The following ARHGAP28 variants were observed in gnomAD, a reference collection of about 807,000 sequenced individuals.
ARHGAP28 encodes the protein rho GTPase-activating protein 28.
ARHGAP28 carries 56 observed loss-of-function variants against 90.7 expected under a neutral mutation model. That is an observed-to-expected ratio of 0.62 (90% CI 0.50 to 0.77). The LOEUF is 0.77. Among genes scored for constraint, ARHGAP28 ranks in the 30% least tolerant of loss-of-function variants. The pLI, the probability that ARHGAP28 is intolerant of heterozygous loss-of-function variation, is 0.00. For missense variants in ARHGAP28, 869 were observed against 900.9 expected, an observed-to-expected ratio of 0.96 and a Z score of 0.45; for synonymous variants, 308 against 323.3, an observed-to-expected ratio of 0.95 and a Z score of 0.51.
intron 1 of ARHGAP28, among the ~76,000 whole-genome samples, chr18:6,774,720 G>A (rs557628502): frequency 1.6e-4 from 25 of 152,180 alleles, no homozygotes; most frequent in Non-Finnish European, 3.5e-4. Flanking sequence ...GCACATCTGT[G>A]GGCAGGCTTA....
intron 3 of ARHGAP28, among the ~76,000 whole-genome samples, chr18:6,844,571 T>C (rs561132533): frequency 5.3e-5 from 8 of 152,360 alleles, no homozygotes; most frequent in African/African-American, 1.4e-4. Flanking sequence ...TAACAAGTGA[T>C]TTATTGCACA....
intron 16 of ARHGAP28, among the ~76,000 whole-genome samples, chr18:6,905,118 CA>C (rs2057358401): frequency 1.3e-5 from 2 of 151,562 alleles, no homozygotes; most frequent in African/African-American, 4.8e-5. Flanking sequence ...AAAAAACAAA[CA>C]AAAGCCCTAC....
intron 1 of ARHGAP28, among the ~76,000 whole-genome samples, chr18:6,776,748 A>G (rs1177421814): frequency 6.6e-6 from 1 of 152,148 alleles, no homozygotes; most frequent in Non-Finnish European, 1.5e-5. Flanking sequence ...TACATAGGTT[A>G]TTCTTTCAGT....
intron 1 of ARHGAP28, among the ~76,000 whole-genome samples, chr18:6,809,566 A>C (rs934012704): frequency 6.6e-6 from 1 of 152,162 alleles, no homozygotes; most frequent in Non-Finnish European, 1.5e-5. Context: ...GCAGGCACAT[A>C]TTTACATGGC....
At chr18:6,908,078 G>C (rs962941042) in intron 16 of ARHGAP28, among the ~76,000 whole-genome samples, 13 of 151,960 alleles carry the variant, frequency 8.6e-5, no homozygotes, top group African/African-American at 3.1e-4. Flanking sequence ...TTGAGCGATA[G>C]TTTCCTGTGA....
intron 16 of ARHGAP28, among the ~76,000 whole-genome samples, chr18:6,901,494 CATGTTGATAGT>C (rs1008094452): frequency 9.7e-5 from 14 of 144,776 alleles, no homozygotes; most frequent in Non-Finnish European, 7.5e-5. Flanking sequence ...AGTGATGAGT[CATGTTGATAGT>C]ATGTTGATAG....
In ARHGAP28 at chr18:6,824,875, A is replaced by G; in HGVS notation, c.236A>G (p.Glu79Gly). Residue 79 changes from glutamate (E) to glycine (G), a missense_variant, in exon 2 of 18, where the codon GAG (glutamate) becomes GGG (glycine). Coordinates refer to ENST00000383472, the MANE Select transcript of ARHGAP28 (RefSeq NM_001366230.1). ...SEASVDSASM[E>G]DFWREIESIK... ...GCCTCCGTAGACAGCGCCTCCATGG[A>G]GGATTTCTGGCGGGAAATAGAAAGT... 1 of 1,536,250 alleles carries G rather than the reference A, an allele frequency of 6.5e-7. No homozygotes were observed. The highest frequency in any genetic ancestry group is 8.7e-7 in the Non-Finnish European group (1 of 1,146,926).
intron 1 of ARHGAP28, among the ~76,000 whole-genome samples, chr18:6,732,940 C>T (rs193028319): frequency 2.4e-4 from 36 of 151,592 alleles, no homozygotes; most frequent in Admixed American, 3.9e-4. Context: ...CTATCAGAAG[C>T]GGACAAACAA....
chr18:6,879,481 T>G (rs2143617817), intron 10 of ARHGAP28, among the ~76,000 whole-genome samples: 1 of 152,326 alleles, frequency 6.6e-6, no homozygotes, highest in East Asian at 1.9e-4. Context: ...TCTGAACCTC[T>G]AAGTGCTCCC....
intron 1 of ARHGAP28, among the ~76,000 whole-genome samples, chr18:6,787,372 A>G (rs1296478440): frequency 3.3e-5 from 5 of 152,040 alleles, no homozygotes; most frequent in South Asian, 4.2e-4. Context: ...CCTTTATACT[A>G]ATAATATATC....
intron 1 of ARHGAP28, among the ~76,000 whole-genome samples, chr18:6,758,684 T>C (rs943785922): frequency 6.6e-6 from 1 of 152,170 alleles, no homozygotes; most frequent in African/African-American, 2.4e-5. Context: ...GAAATACAAA[T>C]TGTCCAGTTT....
At chr18:6,733,416 G>A (rs7232107) in intron 1 of ARHGAP28, among the ~76,000 whole-genome samples, 37,669 of 151,728 alleles carry the variant, frequency 0.25, 5,421 homozygotes, top group African/African-American at 0.39. Context: ...CACACCCCCC[G>A]TTTCTTTAAG....
intron 1 of ARHGAP28, among the ~76,000 whole-genome samples, chr18:6,810,236 T>A (rs1313139952): frequency 6.6e-6 from 1 of 152,114 alleles, no homozygotes; most frequent in African/African-American, 2.4e-5. Context: ...AGCCCATGTA[T>A]AAAGGAATGA....
At chr18:6,750,810 A>T (rs1455459232) in intron 1 of ARHGAP28, among the ~76,000 whole-genome samples, 1 of 152,212 alleles carries the variant, frequency 6.6e-6, no homozygotes, top group Non-Finnish European at 1.5e-5. Context: ...GAATTTGGGG[A>T]TTAACTTTTC....
At chr18:6,731,545 A>T (rs961028661) in intron 1 of ARHGAP28, among the ~76,000 whole-genome samples, 1 of 152,154 alleles carries the variant, frequency 6.6e-6, no homozygotes, top group African/African-American at 2.4e-5. Flanking sequence ...CAGAGCTAGT[A>T]TTTCACCTTA....
chr18:6,819,617 G>A (rs2056613718), intron 1 of ARHGAP28, among the ~76,000 whole-genome samples: 2 of 152,300 alleles, frequency 1.3e-5, no homozygotes, highest in Non-Finnish European at 2.9e-5. Context: ...AGCTCCAAAT[G>A]CAGAGCTAGT....
chr18:6,882,094 G>T (rs1160921313), intron 10 of ARHGAP28, 43 bp from the exon 11 acceptor site: 3 of 1,562,314 alleles, frequency 1.9e-6, no homozygotes, highest in Non-Finnish European at 2.6e-6. Context: ...GGGGTCAGGT[G>T]GTAAAAGTGC....
intron 2 of ARHGAP28, among the ~76,000 whole-genome samples, chr18:6,826,117 G>GTTTTTTTTTTTTT (rs35995654): frequency 1.4e-5 from 2 of 138,504 alleles, no homozygotes. Flanking sequence ...CATTGCCAGT[G>GTTTTTTTTTTTTT]TTTTTTTTTT....
intron 3 of ARHGAP28, among the ~76,000 whole-genome samples, chr18:6,847,628 G>GTGTGT (rs1555632056): frequency 1.5e-5 from 1 of 65,638 alleles, no homozygotes; most frequent in East Asian, 8.9e-4. Flanking sequence ...AGAGAGAGTG[G>GTGTGT]GGGTGTGTGT....
Sources: allele counts gnomAD v4.1 joint callset (sites outside exome capture counted in the v4.1 genomes callset), GRCh38; gene constraint gnomAD v4.1.1; transcripts MANE v1.5; gene names NCBI Gene and HGNC (gene_info 2026-07-23, HGNC 2026-07-21).